GFRA1: variants seen among roughly 807,000 people sequenced by gnomAD.
GFRA1 encodes GDNF family receptor alpha 1.
A neutral mutation model predicts 51.6 loss-of-function variants in GFRA1; 16 were observed. That is an observed-to-expected ratio of 0.31 (90% CI 0.21 to 0.47). The LOEUF (loss-of-function observed/expected upper bound fraction) is 0.47. Among genes scored for constraint, GFRA1 ranks in the 20% least tolerant of loss-of-function variants. The pLI is 1.00. For synonymous variants in GFRA1, 270 were observed against 241.3 expected (o/e 1.12, Z -1.10); for missense variants, 530 against 594.3 (o/e 0.89, Z 1.13).
intron 4 of GFRA1, among the ~76,000 whole-genome samples, chr10:116,256,934 G>A (rs1304240050): frequency 6.6e-6 from 1 of 152,146 alleles, no homozygotes; most frequent in African/African-American, 2.4e-5. Context: ...TAGGGAGCCA[G>A]GCACCCACAC....
At chr10:116,093,058 G>A (rs11197525) in intron 8 of GFRA1, among the ~76,000 whole-genome samples, 13,160 of 152,138 alleles carry the variant, frequency 0.087, 1,057 homozygotes, top group Admixed American at 0.22. Flanking sequence ...CAGTAAGAAC[G>A]GATTCTGCTT....
chr10:116,192,867 G>A (rs1963396752), intron 5 of GFRA1, among the ~76,000 whole-genome samples: 1 of 152,216 alleles, frequency 6.6e-6, no homozygotes, highest in Non-Finnish European at 1.5e-5. Context: ...AACAGAGGCA[G>A]TCCCGGGGGA....
At chr10:116,235,482 C>T (rs1966856499) in intron 4 of GFRA1, among the ~76,000 whole-genome samples, 1 of 152,148 alleles carries the variant, frequency 6.6e-6, no homozygotes, top group Non-Finnish European at 1.5e-5. Flanking sequence ...AGAAATCACC[C>T]ATCATCACCA....
At position 116,270,991 on chromosome 10, in the gene GFRA1, G is replaced by A; in HGVS notation, c.165C>T (p.Gly55=). 6.2e-7 allele frequency: 1 copy of A among 1,614,212 alleles called. No homozygotes were observed. The highest frequency in any genetic ancestry group is 8.5e-7 in the Non-Finnish European group (1 of 1,180,040). Residue 55 remains glycine (G), a synonymous_variant, in exon 3 of 11, where the codon GGC becomes GGT. Transcript: ENST00000355422. The stretch of plus-strand genomic sequence containing the variant: ...ATGCCAGGCTGAAGTTGGTCTCCTT[G>A]CCCGCCACGCACTGCCTTAGCGTGC... ...KYRTLRQCVA[G]KETNFSLASG...
At chr10:116,090,069 C>T in intron 8 of GFRA1, 147 bp from the exon 9 acceptor site, 1 of 767,104 alleles carries the variant, frequency 1.3e-6, no homozygotes, top group African/African-American at 1.7e-5. Flanking sequence ...TTGCCCTATA[C>T]ATGCTGAGAG....
At chr10:116,095,473 T>G (rs2133901106) in intron 7 of GFRA1, among the ~76,000 whole-genome samples, 1 of 152,292 alleles carries the variant, frequency 6.6e-6, no homozygotes, top group East Asian at 1.9e-4. Context: ...AGAGATTAAC[T>G]TACTCGGGAA....
At chr10:116,121,716 C>T (rs934528419) in intron 6 of GFRA1, among the ~76,000 whole-genome samples, 2 of 152,172 alleles carry the variant, frequency 1.3e-5, no homozygotes, top group East Asian at 3.9e-4. Flanking sequence ...TTTTAGGAAG[C>T]AAGTTTCCCT....
intron 5 of GFRA1, among the ~76,000 whole-genome samples, chr10:116,129,956 T>C (rs965238133): frequency 6.6e-5 from 10 of 151,918 alleles, no homozygotes; most frequent in Admixed American, 6.5e-4. Context: ...TGCCTTGATA[T>C]ATGTTTAATG....
intron 5 of GFRA1, among the ~76,000 whole-genome samples, chr10:116,156,393 C>T (rs1444240918): frequency 6.6e-6 from 1 of 152,168 alleles, no homozygotes; most frequent in East Asian, 1.9e-4. Flanking sequence ...TCATTCAGGG[C>T]ACAAATGATA....
At chr10:116,180,612 T>C (rs1418734202) in intron 5 of GFRA1, among the ~76,000 whole-genome samples, 1 of 152,088 alleles carries the variant, frequency 6.6e-6, no homozygotes, top group Non-Finnish European at 1.5e-5. Flanking sequence ...AATTATCCTA[T>C]CCTCACTTCC....
intron 5 of GFRA1, among the ~76,000 whole-genome samples, chr10:116,181,445 C>G (rs1210444823): frequency 2.0e-5 from 3 of 152,144 alleles, no homozygotes; most frequent in Non-Finnish European, 4.4e-5. Context: ...GGAGGAAGGC[C>G]CAGCTCTGCC....
chr10:116,198,111 G>A (rs2134371081), intron 5 of GFRA1, among the ~76,000 whole-genome samples: 1 of 152,300 alleles, frequency 6.6e-6, no homozygotes, highest in Admixed American at 6.5e-5. Flanking sequence ...GAGAGTGGGT[G>A]GTCCAAGCCT....
chr10:116,141,653 G>A (rs573291803), intron 5 of GFRA1, among the ~76,000 whole-genome samples: 9 of 152,010 alleles, frequency 5.9e-5, no homozygotes, highest in Non-Finnish European at 1.0e-4. Flanking sequence ...GTGCAATCTC[G>A]GCTCACTGCA....
intron 9 of GFRA1, among the ~76,000 whole-genome samples, chr10:116,067,682 A>C (rs1955177065): frequency 6.6e-6 from 1 of 152,240 alleles, no homozygotes; most frequent in South Asian, 2.1e-4. Context: ...TCAATGGACT[A>C]GAAAAGGCCT....
chr10:116,217,524 T>C (rs1351915840), intron 4 of GFRA1, among the ~76,000 whole-genome samples: 2 of 152,236 alleles, frequency 1.3e-5, no homozygotes, highest in African/African-American at 4.8e-5. Context: ...ATAATAAAAT[T>C]TATCTTGCAG....
chr10:116,143,897 C>A (rs1022327997), intron 5 of GFRA1, among the ~76,000 whole-genome samples: 1 of 152,166 alleles, frequency 6.6e-6, no homozygotes, highest in Admixed American at 6.5e-5. Flanking sequence ...CAAGTGTTGA[C>A]GGCTTTGCTA....
chr10:116,092,169 A>AGTT (rs1469959505), intron 8 of GFRA1, among the ~76,000 whole-genome samples: 3 of 151,098 alleles, frequency 2.0e-5, no homozygotes, highest in Non-Finnish European at 4.4e-5. Context: ...AAGAGGTCCA[A>AGTT]GTTGTGATTC....
intron 5 of GFRA1, among the ~76,000 whole-genome samples, chr10:116,209,006 A>G (rs1964993207): frequency 6.6e-6 from 1 of 152,214 alleles, no homozygotes; most frequent in Non-Finnish European, 1.5e-5. Flanking sequence ...CCTTGAAAAC[A>G]TGGCCCCGTG....
At chr10:116,182,057 T>C (rs180834457) in intron 5 of GFRA1, among the ~76,000 whole-genome samples, 2 of 150,964 alleles carry the variant, frequency 1.3e-5, no homozygotes, top group East Asian at 3.9e-4. Flanking sequence ...CAAGAATGCA[T>C]ATATGTTAAA....
Sources: gnomAD v4.1 joint callset for allele counts (sites outside exome capture counted in the v4.1 genomes callset) on GRCh38, gnomAD v4.1.1 for gene constraint, MANE v1.5 for transcripts, NCBI Gene and HGNC (gene_info 2026-07-23, HGNC 2026-07-21) for gene names.